ABCC12: variants seen among roughly 807,000 people sequenced by gnomAD.
ABCC12 encodes ATP binding cassette subfamily C member 12.
A neutral mutation model predicts 151.1 loss-of-function variants in ABCC12; 142 were observed. That is an observed-to-expected ratio of 0.94 (90% CI 0.82 to 1.08). ABCC12 has a LOEUF of 1.08. ABCC12 is among the 50% of genes least tolerant of loss of function. ABCC12 has a pLI of 0.00. For synonymous variants in ABCC12, 645 were observed against 646.4 expected, an observed-to-expected ratio of 1.00 and a Z score of 0.03; for missense variants, 1,638 against 1,691.1, an observed-to-expected ratio of 0.97 and a Z score of 0.55.
chr16:48,084,855 G>T (rs1355094573), intron 29 of ABCC12, among the ~76,000 whole-genome samples: 2 of 152,044 alleles, frequency 1.3e-5, no homozygotes, highest in African/African-American at 4.8e-5. Flanking sequence ...ATCACAGGAC[G>T]GATTTGATTT....
intron 9 of ABCC12, 57 bp downstream of exon 9, chr16:48,133,630 C>A: frequency 6.3e-7 from 1 of 1,593,572 alleles, no homozygotes; most frequent in Non-Finnish European, 8.6e-7. Flanking sequence ...GGGCTTCCCA[C>A]CTGGGACTTG....
At chr16:48,100,775 G>C in intron 23 of ABCC12, 97 bp downstream of exon 23, 1 of 1,435,828 alleles carries the variant, frequency 7.0e-7, no homozygotes, top group Admixed American at 2.3e-5. Flanking sequence ...TCTGTGATCA[G>C]TCCCCAGCAG....
At chr16:48,085,749 A>T in intron 28 of ABCC12, 43 bp from the exon 29 acceptor site, 2 of 1,508,248 alleles carry the variant, frequency 1.3e-6, no homozygotes, top group Non-Finnish European at 1.8e-6. Context: ...GATGATCTAT[A>T]AAATTGTCCT....
chr16:48,114,842 G>A lies in ABCC12; in HGVS notation c.1989+573C>T, dbSNP rs539493230. On this transcript the variant is annotated intron_variant, in intron 15 of 30. Coordinates refer to ENST00000311303, the MANE Select transcript of ABCC12 (RefSeq NM_001393797.1). ...AAATTCACTGAGGTCAAGCCCAGTC[G>A]CTTTCTTCAGTGAGATTCATGCTCC... 4.4e-4 allele frequency among the ~76,000 whole-genome samples: 67 copies of A among 152,294 alleles called. 2 individuals are homozygous for A. Among genetic ancestry groups the A allele is most frequent in the Middle Eastern group, 6.8e-3 (2 of 294 alleles).
chr16:48,090,921 G>C (rs1962855008), intron 25 of ABCC12, among the ~76,000 whole-genome samples, 199 bp downstream of exon 25: 1 of 152,208 alleles, frequency 6.6e-6, no homozygotes, highest in African/African-American at 2.4e-5. Flanking sequence ...ATGTTGGCCA[G>C]GCTGGTCTCA....
chr16:48,151,911 G>A (rs900365340), intron 2 of ABCC12, among the ~76,000 whole-genome samples: 8 of 152,208 alleles, frequency 5.3e-5, no homozygotes, highest in Non-Finnish European at 1.0e-4. Flanking sequence ...GGAGGAGGAC[G>A]GGGTTAGGGA....
At chr16:48,119,028 G>A (rs142976921) in intron 13 of ABCC12, among the ~76,000 whole-genome samples, 9 of 152,296 alleles carry the variant, frequency 5.9e-5, no homozygotes, top group South Asian at 2.1e-4. Flanking sequence ...CTCAGACTGC[G>A]CAGCACATCT....
intron 15 of ABCC12, 122 bp from the exon 16 acceptor site, chr16:48,112,032 G>A: frequency 8.1e-7 from 1 of 1,230,934 alleles, no homozygotes; most frequent in South Asian, 1.5e-5. Context: ...GTTTGAGGGG[G>A]CTGTCCTGTG....
intron 26 of ABCC12, 112 bp from the exon 27 acceptor site, chr16:48,088,197 T>A: frequency 7.8e-7 from 1 of 1,289,634 alleles, no homozygotes; most frequent in Non-Finnish European, 1.1e-6. Flanking sequence ...TCCGTAAGGA[T>A]GACAGTGTAG....
At chr16:48,140,551 C>T (rs1964768398) in intron 6 of ABCC12, 136 bp downstream of exon 6, 11 of 826,448 alleles carry the variant, frequency 1.3e-5, no homozygotes, top group Non-Finnish European at 2.1e-5. Flanking sequence ...CTCACTTAGC[C>T]AGGAGATGGG....
intron 4 of ABCC12, among the ~76,000 whole-genome samples, chr16:48,142,670 A>G (rs1596630795): frequency 6.6e-6 from 1 of 152,332 alleles, no homozygotes; most frequent in East Asian, 1.9e-4. Context: ...TCTTTATATT[A>G]TACATTTAAT....
intron 10 of ABCC12, 60 bp from the exon 11 acceptor site, chr16:48,128,797 A>G (rs1964326871): frequency 1.3e-6 from 2 of 1,560,742 alleles, no homozygotes; most frequent in South Asian, 2.3e-5. Context: ...GAATCATCCC[A>G]ATGTATCTTC....
chr16:48,115,748 C>T lies in ABCC12; in HGVS notation c.1786-130G>A, dbSNP rs1963861544. 4 of 975,344 alleles carry T rather than the reference C, an allele frequency of 4.1e-6. No homozygotes were observed. In the East Asian group the frequency reaches 8.0e-5, roughly 19 times the overall value. The allele number at this position is 975,344 out of a possible 1,614,324, so 60.4% of individuals were successfully genotyped here. ...ACTGATCCTCGCCATATCCAAGTTCCTCCGCCCCTTACAGGGCCCCCGGTC... is the reference window on the plus strand; with the variant it reads ...ACTGATCCTCGCCATATCCAAGTTCTTCCGCCCCTTACAGGGCCCCCGGTC... On this transcript the variant is annotated intron_variant, in intron 14 of 30. Coordinates refer to ENST00000311303, the MANE Select transcript of ABCC12 (RefSeq NM_001393797.1).
intron 15 of ABCC12, among the ~76,000 whole-genome samples, chr16:48,112,486 T>C (rs948758320): frequency 3.3e-5 from 5 of 151,908 alleles, no homozygotes; most frequent in African/African-American, 7.3e-5. Context: ...ATCCAGCTAC[T>C]CAGGAGGTTG....
rs764401502 is a variant in ABCC12 at position 48,130,848 on chromosome 16, T to C, written c.1176A>G (p.Ala392=). The C allele has an allele frequency of 1.2e-6, 2 of 1,613,820 alleles. No individual in the cohort carries two copies. The highest frequency in any genetic ancestry group is 2.7e-5 in the African/African-American group (2 of 74,944). ...AMFNVMKFSI[A]ILPFSIKAMA... is the part of the protein sequence containing the mutation. ...TTGCTTTGATGGAGAAGGGCAAGAT[T>C]GCAATGGAAAACTTCATTACATTAA... is the stretch of plus-strand genomic sequence containing the variant. The change falls in exon 10 of 31, where the codon GCA becomes GCG. Residue 392 remains alanine, a synonymous_variant. Transcript: ENST00000311303.
rs775418998 is a variant in ABCC12, at chr16:48,140,811, A to G, written c.533T>C (p.Phe178Ser). The G allele has an allele frequency of 1.5e-5, 24 of 1,614,194 alleles. No individual in the cohort carries two copies. Among genetic ancestry groups the G allele is most frequent in the Non-Finnish European group, 2.0e-5 (24 of 1,180,044 alleles). ...ALFATEFTKV[F>S]FWALAWAINY... ...GATGGCCCAGGCAAGGGCCCAAAAG[A>G]AGACTTTGGTAAACTCGGTGGCAAA... Residue 178 changes from phenylalanine (F) to serine (S), a missense_variant, in exon 6 of 31, where the codon TTC becomes TCC. Transcript: ENST00000311303.
chr16:48,142,382 T>A (rs58298382), intron 4 of ABCC12, among the ~76,000 whole-genome samples: 24,037 of 151,978 alleles, frequency 0.16, 3,275 homozygotes, highest in African/African-American at 0.37. Context: ...ATTGGAGGGG[T>A]TCACTTAGGA....
chr16:48,088,741 A>C lies in ABCC12; in HGVS notation c.3286-7T>G, dbSNP rs1478815578. On this transcript the variant is annotated splice_region_variant and splice_polypyrimidine_tract_variant and intron_variant, in intron 25 of 30. Coordinates refer to ENST00000311303, the MANE Select transcript of ABCC12 (RefSeq NM_001393797.1). ...TGCATTCAGGAACACAGGTCTGTAAAGGAGAATAACCAATGACCAGTGACT... is the reference window on the plus strand; with the variant it reads ...TGCATTCAGGAACACAGGTCTGTAACGGAGAATAACCAATGACCAGTGACT... 1 of 1,605,288 alleles carries C rather than the reference A, an allele frequency of 6.2e-7. No individual in the cohort carries two copies. Among genetic ancestry groups the C allele is most frequent in the Non-Finnish European group, 8.5e-7 (1 of 1,176,582 alleles).
chr16:48,146,245 C>G lies in ABCC12; in HGVS notation c.119+61G>C. 3.3e-6 allele frequency: 5 copies of G among 1,504,204 alleles called. No homozygotes were observed. In the South Asian group the frequency reaches 5.7e-5, roughly 17 times the overall value. 93.2% of individuals were successfully genotyped at this position (1,504,204 alleles called of 1,614,324 possible). The stretch of plus-strand genomic sequence containing the variant: ...GGGTTGCAGGAGCAGTGCCCACTCT[C>G]CTGATGGACATTCCTGGAGGTCCTG... On this transcript the variant is annotated intron_variant, in intron 3 of 30. Coordinates refer to ENST00000311303, the MANE Select transcript of ABCC12 (RefSeq NM_001393797.1).
Sources: allele counts gnomAD v4.1 joint callset (sites outside exome capture counted in the v4.1 genomes callset), GRCh38; gene constraint gnomAD v4.1.1; transcripts MANE v1.5; gene names NCBI Gene and HGNC (gene_info 2026-07-23, HGNC 2026-07-21).